Variants in DAB1 observed in about 807,000 individuals in gnomAD.
The protein encoded by DAB1 is disabled homolog 1.
Under a neutral mutation model 64.6 loss-of-function variants are expected in DAB1, and 15 were observed. The ratio of observed to expected loss-of-function variants is 0.23; its 90% CI spans 0.16 to 0.36. DAB1 has a LOEUF of 0.36. DAB1 is among the 10% of genes least tolerant of loss of function. The pLI, the probability that DAB1 is intolerant of heterozygous loss-of-function variation, is 1.00. For synonymous variants in DAB1, 235 were observed against 251.9 expected (o/e 0.93, Z 0.64); for missense variants, 596 against 706.7 (o/e 0.84, Z 1.78).
At chr1:57,574,262 G>A (rs1056232177) in intron 7 of DAB1, among the ~76,000 whole-genome samples, 2 of 152,134 alleles carry the variant, frequency 1.3e-5, no homozygotes, top group African/African-American at 2.4e-5. Context: ...GGCATAAAGA[G>A]GGCATGGCTG....
At chr1:58,313,819 A>ATGTGTGTG (rs35817738) in intron 4 of DAB1, among the ~76,000 whole-genome samples, 1,961 of 119,876 alleles carry the variant, frequency 0.016, 46 homozygotes, top group African/African-American at 0.042. Flanking sequence ...TTGTATCTTC[A>ATGTGTGTG]TGTGTGTGTG....
intron 2 of DAB1, among the ~76,000 whole-genome samples, chr1:57,273,640 C>CTCCA (rs1216600665): frequency 2.2e-5 from 3 of 134,672 alleles, no homozygotes; most frequent in Non-Finnish European, 4.8e-5. Context: ...CCCTCCCTCC[C>CTCCA]TCCCTCCCTG....
At chr1:58,227,496 T>A (rs1359172358) in intron 4 of DAB1, among the ~76,000 whole-genome samples, 1 of 152,138 alleles carries the variant, frequency 6.6e-6, no homozygotes, top group Non-Finnish European at 1.5e-5. Flanking sequence ...TAGACCTACT[T>A]ACTAGGATTC....
chr1:57,678,761 G>GTTTTTT (rs143885937), intron 6 of DAB1, among the ~76,000 whole-genome samples: 12 of 135,798 alleles, frequency 8.8e-5, no homozygotes, highest in Non-Finnish European at 9.2e-5. Flanking sequence ...TGAGGCAACT[G>GTTTTTT]TTTTTTGTTT....
At chr1:58,135,067 T>C (rs1201095809) in intron 5 of DAB1, among the ~76,000 whole-genome samples, 2 of 152,176 alleles carry the variant, frequency 1.3e-5, no homozygotes, top group Non-Finnish European at 2.9e-5. Context: ...TCAATCCTAT[T>C]AGCCTCTAAG....
intron 5 of DAB1, among the ~76,000 whole-genome samples, chr1:58,113,554 G>T (rs572512157): frequency 6.6e-6 from 1 of 152,294 alleles, no homozygotes; most frequent in South Asian, 2.1e-4. Flanking sequence ...GAGAGTGTGT[G>T]TATGAGTGTG....
intron 3 of DAB1, 95 bp from the exon 4 acceptor site, chr1:57,136,736 A>C (rs1037246895): frequency 1.6e-6 from 1 of 632,760 alleles, no homozygotes; most frequent in Non-Finnish European, 2.6e-6. Context: ...AACCAATGCC[A>C]CCAATCATGC....
At chr1:58,287,565 G>T (rs1661716520) in intron 4 of DAB1, among the ~76,000 whole-genome samples, 1 of 147,866 alleles carries the variant, frequency 6.8e-6, no homozygotes, top group African/African-American at 2.5e-5. Context: ...CATATTCATG[G>T]GATAGGGGGG....
chr1:57,407,348 C>T (rs1683724162), intron 1 of DAB1, among the ~76,000 whole-genome samples: 1 of 152,174 alleles, frequency 6.6e-6, no homozygotes, highest in Admixed American at 6.5e-5. Context: ...CCTCTTAAAG[C>T]TGAAAAAGAA....
At position 57,062,771 on chromosome 1, in the gene DAB1, A is replaced by T. The variant is rs1045290279; in HGVS notation, c.723+113T>A. 1.2e-4 allele frequency: 104 copies of T among 851,598 alleles called. 1 individual carries two copies. The highest frequency in any genetic ancestry group is 4.1e-4 in the South Asian group (25 of 61,634). 52.8% of individuals were successfully genotyped at this position (851,598 alleles called of 1,614,324 possible). ...CCAGCATGCAGTCCCCAGCAGAAAC[A>T]TGTGGGGCCATGACACTCATTCCAG... is the stretch of plus-strand genomic sequence containing the variant. On this transcript the variant is annotated intron_variant, in intron 9 of 14. Transcript: ENST00000371236.
chr1:57,728,409 C>T (rs574277664), intron 6 of DAB1, among the ~76,000 whole-genome samples: 8 of 152,168 alleles, frequency 5.3e-5, no homozygotes, highest in South Asian at 4.2e-4. Flanking sequence ...CTGGCTAACA[C>T]GGTGAAACCC....
intron 1 of DAB1, among the ~76,000 whole-genome samples, chr1:58,545,529 G>C (rs1194510803): frequency 6.6e-6 from 1 of 152,044 alleles, no homozygotes; most frequent in East Asian, 1.9e-4. Context: ...AATCAGGGCT[G>C]ACATATTCTC....
At chr1:57,997,043 A>C (rs1039281230) in intron 5 of DAB1, among the ~76,000 whole-genome samples, 3 of 152,086 alleles carry the variant, frequency 2.0e-5, no homozygotes, top group African/African-American at 7.2e-5. Flanking sequence ...TTTCTCAAAT[A>C]ATAAGTGGTT....
At chr1:58,007,970 T>C (rs1488162773) in intron 5 of DAB1, among the ~76,000 whole-genome samples, 3 of 152,180 alleles carry the variant, frequency 2.0e-5, no homozygotes, top group Non-Finnish European at 4.4e-5. Flanking sequence ...GAGAATCTTC[T>C]ACGTGTCAAG....
In DAB1 at chr1:58,530,579, CA is replaced by C. The variant is rs201161390; in HGVS notation, n.33-3245del. The C allele has an allele frequency of 1.6e-4, 138 of 865,316 alleles. No individual in the cohort carries two copies. The East Asian group carries it at 3.1e-3, about 19-fold the overall frequency. 53.6% of individuals were successfully genotyped at this position (865,316 alleles called of 1,614,324 possible). On this transcript the variant is annotated intron_variant and non_coding_transcript_variant, in intron 1 of 20. Coordinates refer to the DAB1 transcript ENST00000485760. ...TCTTCACCAGAGGCTATGATCAATT[CA>C]AGTTATTGTCTCAGACTTACCTCCT...
chr1:58,244,425 G>A (rs1467462337), intron 4 of DAB1, among the ~76,000 whole-genome samples: 31 of 152,198 alleles, frequency 2.0e-4, no homozygotes, highest in Admixed American at 2.0e-3. Flanking sequence ...TTTGTGGAAT[G>A]TGAATATGAA....
intron 4 of DAB1, among the ~76,000 whole-genome samples, chr1:58,166,003 G>A (rs1313932720): frequency 1.3e-5 from 2 of 152,186 alleles, no homozygotes; most frequent in Non-Finnish European, 2.9e-5. Flanking sequence ...CACATGGTTA[G>A]TAAGTAAGTG....
intron 2 of DAB1, among the ~76,000 whole-genome samples, chr1:57,150,518 C>T (rs1328509188): frequency 6.6e-6 from 1 of 152,178 alleles, no homozygotes; most frequent in Non-Finnish European, 1.5e-5. Context: ...GTCCTTTCTC[C>T]TGCCCAGAGG....
intron 4 of DAB1, among the ~76,000 whole-genome samples, chr1:58,263,453 G>A (rs1173458301): frequency 1.3e-5 from 2 of 152,108 alleles, no homozygotes; most frequent in Non-Finnish European, 2.9e-5. Context: ...AAGGGGCTCT[G>A]GAAATCACGT....
Sources: gnomAD v4.1 joint callset for allele counts (sites outside exome capture counted in the v4.1 genomes callset) on GRCh38, gnomAD v4.1.1 for gene constraint, MANE v1.5 for transcripts, NCBI Gene and HGNC (gene_info 2026-07-23, HGNC 2026-07-21) for gene names.